The following ZNF483 variants were observed in gnomAD, a reference collection of about 807,000 sequenced individuals.
ZNF483 encodes zinc finger protein 483.
A neutral mutation model predicts 28.6 loss-of-function variants in ZNF483; 9 were observed. The observed-to-expected ratio is 0.32, with a 90% CI of 0.19 to 0.55. The LOEUF (loss-of-function observed/expected upper bound fraction) is 0.55, where lower values mean the gene tolerates loss of function less well. Among genes scored for constraint, ZNF483 ranks in the 20% least tolerant of loss-of-function variants. The pLI, the probability that ZNF483 is intolerant of heterozygous loss-of-function variation, is 0.93. For synonymous variants in ZNF483, 322 were observed against 306.2 expected (o/e 1.05, Z -0.54); for missense variants, 675 against 871.7 (o/e 0.77, Z 2.84).
chr9:111,554,413 A>G lies in ZNF483; in HGVS notation c.*11243A>G, dbSNP rs1828061849. 6.6e-6 allele frequency among the ~76,000 whole-genome samples: 1 copy of G among 152,162 alleles called. No individual in the cohort carries two copies. The highest frequency in any genetic ancestry group is 2.4e-5 in the African/African-American group (1 of 41,434). Reference sequence around the variant, plus strand: ...TCCCCTCATTGTGGTGAGCACATAGATTATTTCTACCACAGTCTGTTCTTT... The same window carrying G: ...TCCCCTCATTGTGGTGAGCACATAGGTTATTTCTACCACAGTCTGTTCTTT... On this transcript the variant is annotated 3_prime_UTR_variant, in exon 6 of 6. Coordinates refer to ENST00000309235, the MANE Select transcript of ZNF483 (RefSeq NM_133464.5).
intron 5 of ZNF483, among the ~76,000 whole-genome samples, chr9:111,571,801 G>C (rs1828833362): frequency 6.6e-6 from 1 of 152,124 alleles, no homozygotes; most frequent in African/African-American, 2.4e-5. Context: ...ACTGCGCCTG[G>C]CTAAGAATTT....
At position 111,547,161 on chromosome 9, in the gene ZNF483, G is replaced by C. The variant is rs943127924; in HGVS notation, c.*3991G>C. ...ATTGCTATAATCAGTGGTGCTTTCT[G>C]TTCTTTTAAGTATATGCCTAGAAAT... On this transcript the variant is annotated 3_prime_UTR_variant, in exon 6 of 6. Transcript: ENST00000309235. 6.6e-6 allele frequency among the ~76,000 whole-genome samples: 1 copy of C among 152,068 alleles called. No homozygotes were observed. The highest frequency in any genetic ancestry group is 2.4e-5 in the African/African-American group (1 of 41,408).
Position 111,547,901 on chromosome 9 carries a change from ATTC to A in ZNF483, c.*4734_*4736del, listed in dbSNP as rs1412567204. Among the ~76,000 whole-genome samples, 1 of 152,148 alleles carries A rather than the reference ATTC, an allele frequency of 6.6e-6. No homozygotes were observed. The highest frequency in any genetic ancestry group is 1.5e-5 in the Non-Finnish European group (1 of 68,004). On this transcript the variant is annotated 3_prime_UTR_variant, in exon 6 of 6. Coordinates refer to ENST00000309235, the MANE Select transcript of ZNF483 (RefSeq NM_133464.5). ...AGAGACTATCCTTTCCACATCATGT[ATTC>A]TTTGCACTCTTGTCAAAGATCATTT... is the stretch of plus-strand genomic sequence containing the variant.
rs144591497 is a variant in ZNF483 at position 111,545,919 on chromosome 9, C to G, written c.*2749C>G. On this transcript the variant is annotated 3_prime_UTR_variant, in exon 6 of 6. Coordinates refer to ENST00000309235, the MANE Select transcript of ZNF483 (RefSeq NM_133464.5). ...TGTTTTCATTTTTCTTAGGCAGATGCCTGAGGGGAGTTGCTAGGTCATACG... is the reference window on the plus strand; with the variant it reads ...TGTTTTCATTTTTCTTAGGCAGATGGCTGAGGGGAGTTGCTAGGTCATACG... Among the ~76,000 whole-genome samples the G allele has an allele frequency of 2.0e-5, 3 of 152,196 alleles. No individual in the cohort carries two copies. The highest frequency in any genetic ancestry group is 2.1e-4 in the South Asian group (1 of 4,814).
intron 5 of ZNF483, chr9:111,570,027 C>A (rs1342831527): frequency 1.2e-6 from 2 of 1,603,304 alleles, no homozygotes; most frequent in African/African-American, 2.7e-5. Flanking sequence ...GAACAAAAGC[C>A]TTGAGAGGCA....
At position 111,544,348 on chromosome 9, in the gene ZNF483, ATGTGTGTGTGTG is replaced by A. The variant is rs111820702; in HGVS notation, c.*1192_*1203del. Reference sequence around the variant, plus strand: ...TAACAATTTGCTTGGGTGTGTGTGCATGTGTGTGTGTGTGTGTGTGTGTGTATACATTGTTGC... The same window carrying A: ...TAACAATTTGCTTGGGTGTGTGTGCATGTGTGTGTGTGTATACATTGTTGC... On this transcript the variant is annotated 3_prime_UTR_variant, in exon 6 of 6. Coordinates refer to ENST00000309235, the MANE Select transcript of ZNF483 (RefSeq NM_133464.5). 2 of 957,622 alleles carry A rather than the reference ATGTGTGTGTGTG, an allele frequency of 2.1e-6. No individual in the cohort carries two copies. Among genetic ancestry groups the A allele is most frequent in the Non-Finnish European group, 2.5e-6 (2 of 806,344 alleles). 59.3% of individuals were successfully genotyped at this position (957,622 alleles called of 1,614,324 possible).
chr9:111,571,365 C>G (rs1828812412), intron 5 of ZNF483, among the ~76,000 whole-genome samples: 2 of 149,610 alleles, frequency 1.3e-5, no homozygotes, highest in African/African-American at 4.8e-5. Context: ...GCTGAGATTG[C>G]ACCACTCCAC....
chr9:111,538,385 T>C (rs1336459389), intron 5 of ZNF483, among the ~76,000 whole-genome samples: 1 of 151,640 alleles, frequency 6.6e-6, no homozygotes, highest in Non-Finnish European at 1.5e-5. Flanking sequence ...CACAGTGGTG[T>C]GTGCCGTGGT....
intron 1 of ZNF483, among the ~76,000 whole-genome samples, chr9:111,526,449 T>A (rs1331501616): frequency 6.6e-6 from 1 of 151,966 alleles, no homozygotes; most frequent in Non-Finnish European, 1.5e-5. Flanking sequence ...ATATTTTGCA[T>A]GTTAGAAGGA....
Position 111,549,936 on chromosome 9 carries a change from A to T in ZNF483, c.*6766A>T, listed in dbSNP as rs1827890572. 1.7e-6 allele frequency: 1 copy of T among 588,150 alleles called. No homozygotes were observed. The highest frequency in any genetic ancestry group is 2.2e-5 in the South Asian group (1 of 45,118). 36.4% of individuals were successfully genotyped at this position (588,150 alleles called of 1,614,324 possible). A position where few individuals can be genotyped will look rare whatever the true frequency, so the allele number is the denominator to read the frequency against. On this transcript the variant is annotated 3_prime_UTR_variant, in exon 6 of 6. Transcript: ENST00000309235. Reference sequence around the variant, plus strand: ...TATTTTGTGCCTTTGAATGGTCAATACTTGTTTCTTTGTATGCATCGTGAT... The same window carrying T: ...TATTTTGTGCCTTTGAATGGTCAATTCTTGTTTCTTTGTATGCATCGTGAT...
intron 3 of ZNF483, among the ~76,000 whole-genome samples, chr9:111,532,581 T>C (rs1284585174): frequency 6.6e-6 from 1 of 152,136 alleles, no homozygotes; most frequent in Non-Finnish European, 1.5e-5. Context: ...TGCCAACACC[T>C]AGATCTCAGA....
intron 5 of ZNF483, chr9:111,563,405 G>A (rs1469779579): frequency 1.8e-6 from 1 of 544,178 alleles, no homozygotes; most frequent in East Asian, 2.9e-5. Flanking sequence ...CACTTACACA[G>A]TACATGTAAA....
chr9:111,550,050 G>A lies in ZNF483; in HGVS notation c.*6880G>A, dbSNP rs1303044869. Among the ~76,000 whole-genome samples, 1 of 151,914 alleles carries A rather than the reference G, an allele frequency of 6.6e-6. No homozygotes were observed. The highest frequency in any genetic ancestry group is 2.4e-5 in the African/African-American group (1 of 41,310). On this transcript the variant is annotated 3_prime_UTR_variant, in exon 6 of 6. Transcript: ENST00000309235. ...CCTTTTTCCCCAGGGTTTATTTTTTGTTGTTGTTTTTTGTGTTGTGTGTTT... is the reference window on the plus strand; with the variant it reads ...CCTTTTTCCCCAGGGTTTATTTTTTATTGTTGTTTTTTGTGTTGTGTGTTT...
chr9:111,529,672 G>C (rs1357842060), intron 2 of ZNF483, among the ~76,000 whole-genome samples: 1 of 152,150 alleles, frequency 6.6e-6, no homozygotes, highest in Admixed American at 6.5e-5. Flanking sequence ...TTAAACTGAG[G>C]GTATACAGAA....
rs1564598692 is a variant in ZNF483, at chr9:111,544,173, TG to T, written c.*1008del. 6 of 985,400 alleles carry T rather than the reference TG, an allele frequency of 6.1e-6. No homozygotes were observed. The highest frequency in any genetic ancestry group is 7.2e-6 in the Non-Finnish European group (6 of 829,986). The allele number at this position is 985,400 out of a possible 1,614,324, so 61.0% of individuals were successfully genotyped here. ...CAGTCCTAGGAAAATAGATGGGGGC[TG>T]GGGGTAAGGAAATGTGCTGAAGACA... On this transcript the variant is annotated 3_prime_UTR_variant, in exon 6 of 6. Coordinates refer to ENST00000309235, the MANE Select transcript of ZNF483 (RefSeq NM_133464.5).
chr9:111,573,735 C>G (rs1442026355), intron 5 of ZNF483, among the ~76,000 whole-genome samples: 1 of 152,062 alleles, frequency 6.6e-6, no homozygotes, highest in Admixed American at 6.6e-5. Context: ...TTGGCCATTC[C>G]TCTCCACACC....
exon 6 of ZNF483, chr9:111,577,634 C>G (rs939899050): frequency 2.9e-4 from 44 of 152,400 alleles, no homozygotes; most frequent in African/African-American, 9.9e-4. Flanking sequence ...TGCTTGAGCC[C>G]AGGAGTTCCA....
intron 5 of ZNF483, among the ~76,000 whole-genome samples, chr9:111,538,768 GA>G (rs1486650559): frequency 6.6e-6 from 1 of 151,884 alleles, no homozygotes; most frequent in East Asian, 1.9e-4. Context: ...ACACACCAGA[GA>G]AAAAAGTTTT....
At position 111,564,275 on chromosome 9, in the gene ZNF483, CTTTTA is replaced by C. The variant is rs1020254538; in HGVS notation, c.722-12087_722-12083del. ...CAAAGTAGGGAAGCTGAAATTTAAA[CTTTTA>C]TTATTATTATTATTATTATTATTAT... On this transcript the variant is annotated intron_variant, in intron 5 of 5. Coordinates refer to the ZNF483 transcript ENST00000358151. 5.3e-5 allele frequency: 37 copies of C among 692,846 alleles called. No homozygotes were observed. The East Asian group carries it at 4.1e-3, about 77-fold the overall frequency. 42.9% of individuals were successfully genotyped at this position (692,846 alleles called of 1,614,324 possible).
Sources: allele counts gnomAD v4.1 joint callset (sites outside exome capture counted in the v4.1 genomes callset), GRCh38; gene constraint gnomAD v4.1.1; transcripts MANE v1.5; gene names NCBI Gene and HGNC (gene_info 2026-07-23, HGNC 2026-07-21).